GPC6: variants seen among roughly 807,000 people sequenced by gnomAD.
GPC6 encodes glypican 6.
A neutral mutation model predicts 55.2 loss-of-function variants in GPC6; 14 were observed. That is an observed-to-expected ratio of 0.25 (90% CI 0.17 to 0.40). The LOEUF is 0.40. Ranked by LOEUF, GPC6 falls within the 10% of genes least tolerant of loss-of-function variation. The pLI, the probability that GPC6 is intolerant of heterozygous loss-of-function variation, is 1.00. For synonymous variants in GPC6, 278 were observed against 259.6 expected (o/e 1.07, Z -0.68); for missense variants, 641 against 708.5 (o/e 0.90, Z 1.08).
intron 2 of GPC6, among the ~76,000 whole-genome samples, chr13:93,796,329 A>G (rs569845648): frequency 2.0e-5 from 3 of 152,292 alleles, no homozygotes; most frequent in East Asian, 3.9e-4. Flanking sequence ...TTAAAAAGCA[A>G]TTTCTTCTTT....
chr13:94,374,310 C>T (rs201743629), intron 6 of GPC6, among the ~76,000 whole-genome samples: 32,286 of 150,802 alleles, frequency 0.21, 3,541 homozygotes, highest in South Asian at 0.33. Flanking sequence ...GTGCTGTATT[C>T]AGGAAACCCA....
intron 2 of GPC6, among the ~76,000 whole-genome samples, chr13:93,566,230 C>G (rs1430756741): frequency 6.6e-6 from 1 of 152,186 alleles, no homozygotes; most frequent in Non-Finnish European, 1.5e-5. Flanking sequence ...CAGTTACTAC[C>G]TAAATGTTAT....
intron 4 of GPC6, among the ~76,000 whole-genome samples, chr13:94,285,543 G>T (rs150368157): frequency 7.9e-5 from 12 of 152,272 alleles, no homozygotes; most frequent in African/African-American, 2.4e-4. Flanking sequence ...GCTAAGAGAT[G>T]ATTTCAACCC....
At chr13:93,726,039 C>T (rs9524177) in intron 2 of GPC6, among the ~76,000 whole-genome samples, 2 of 148,762 alleles carry the variant, frequency 1.3e-5, no homozygotes, top group African/African-American at 5.0e-5. Flanking sequence ...ATATCCATAG[C>T]TATCATTCAC....
chr13:93,579,413 AAATAT>A (rs1327894448), intron 2 of GPC6, among the ~76,000 whole-genome samples: 28 of 152,084 alleles, frequency 1.8e-4, no homozygotes, highest in South Asian at 1.0e-3. Flanking sequence ...AATAGCTCAG[AAATAT>A]AATATAGGAA....
At chr13:93,404,350 G>A (rs1260228228) in intron 1 of GPC6, among the ~76,000 whole-genome samples, 1 of 152,066 alleles carries the variant, frequency 6.6e-6, no homozygotes, top group African/African-American at 2.4e-5. Context: ...GTGGAGTGTG[G>A]ACCAGGTTAC....
intron 3 of GPC6, among the ~76,000 whole-genome samples, chr13:93,854,326 A>G (rs1207083746): frequency 2.0e-5 from 3 of 151,712 alleles, no homozygotes; most frequent in African/African-American, 7.3e-5. Flanking sequence ...CCTTATATTG[A>G]AAAACTATTT....
At chr13:93,258,809 G>A (rs1474614119) in intron 1 of GPC6, among the ~76,000 whole-genome samples, 1 of 152,036 alleles carries the variant, frequency 6.6e-6, no homozygotes. Context: ...AATTAGCCTG[G>A]TGTGATGCCA....
At chr13:93,944,879 A>G (rs1878927212) in intron 3 of GPC6, among the ~76,000 whole-genome samples, 1 of 152,012 alleles carries the variant, frequency 6.6e-6, no homozygotes, top group South Asian at 2.1e-4. Flanking sequence ...ATCGATGGGG[A>G]CACTTAAATG....
At chr13:93,261,110 T>C (rs968979330) in intron 1 of GPC6, among the ~76,000 whole-genome samples, 6 of 152,178 alleles carry the variant, frequency 3.9e-5, no homozygotes, top group African/African-American at 1.4e-4. Flanking sequence ...ACCATGTCTT[T>C]GCTTTCCTTT....
intron 1 of GPC6, among the ~76,000 whole-genome samples, chr13:93,338,450 T>G (rs549627494): frequency 3.3e-5 from 5 of 152,266 alleles, no homozygotes; most frequent in African/African-American, 1.2e-4. Context: ...TACAGGTATC[T>G]CTGACCCATT....
intron 3 of GPC6, among the ~76,000 whole-genome samples, chr13:94,006,565 G>C (rs1194892140): frequency 6.6e-6 from 1 of 152,144 alleles, no homozygotes; most frequent in Non-Finnish European, 1.5e-5. Flanking sequence ...CATTAATAAA[G>C]TAAAAACCAG....
chr13:94,025,970 G>A (rs903608358), intron 3 of GPC6, among the ~76,000 whole-genome samples: 2 of 152,190 alleles, frequency 1.3e-5, no homozygotes, highest in African/African-American at 4.8e-5. Flanking sequence ...AAATGAGGTA[G>A]GTTAATGAGG....
At position 93,799,685 on chromosome 13, in the gene GPC6, A is replaced by G. The variant is rs146255145; in HGVS notation, c.320-30469A>G. 1.6e-3 allele frequency among the ~76,000 whole-genome samples: 247 copies of G among 152,308 alleles called. 1 individual carries two copies. The highest frequency in any genetic ancestry group is 5.8e-3 in the African/African-American group (240 of 41,564). ...GTCTCTGGTTCCTTTTCAGTAAAAG[A>G]TGGTATAAATGCCTATGATTAAGTG... On this transcript the variant is annotated intron_variant, in intron 2 of 8. Transcript: ENST00000377047.
intron 6 of GPC6, among the ~76,000 whole-genome samples, chr13:94,365,143 C>A (rs1291804356): frequency 6.6e-6 from 1 of 152,168 alleles, no homozygotes; most frequent in African/African-American, 2.4e-5. Context: ...GATGAATAGG[C>A]AAATCTTTAT....
Position 94,337,449 on chromosome 13 carries a change from T to C in GPC6, c.1152+31326T>C, listed in dbSNP as rs573344477. Among the ~76,000 whole-genome samples, 14 of 150,344 alleles carry C rather than the reference T, an allele frequency of 9.3e-5. No homozygotes were observed. In the South Asian group the frequency reaches 2.5e-3, roughly 27 times the overall value. On this transcript the variant is annotated intron_variant, in intron 6 of 8. Coordinates refer to ENST00000377047, the MANE Select transcript of GPC6 (RefSeq NM_005708.5). ...AATTCATGATATACATTTTTTTTCT[T>C]TTTTTTTTCCTTTTTTGAGGTGGAG...
rs191308865 is a variant in GPC6, at chr13:94,110,321, A to G, written c.877+82427A>G. ...CATGACTTCCAGGAGAGGCATGTAGAATTATGGAGTACTCAGTAGAGAACA... is the reference window on the plus strand; with the variant it reads ...CATGACTTCCAGGAGAGGCATGTAGGATTATGGAGTACTCAGTAGAGAACA... On this transcript the variant is annotated intron_variant, in intron 4 of 8. Coordinates refer to ENST00000377047, the MANE Select transcript of GPC6 (RefSeq NM_005708.5). Among the ~76,000 whole-genome samples the G allele has an allele frequency of 2.4e-3, 366 of 152,162 alleles. 2 individuals are homozygous for G. Among genetic ancestry groups the G allele is most frequent in the East Asian group, 8.5e-3 (44 of 5,168 alleles).
At chr13:93,907,416 A>G (rs1876728465) in intron 3 of GPC6, among the ~76,000 whole-genome samples, 1 of 152,162 alleles carries the variant, frequency 6.6e-6, no homozygotes, top group Non-Finnish European at 1.5e-5. Flanking sequence ...CATTAAAGAC[A>G]CTTGACCTGT....
chr13:94,386,134 C>G (rs969245419), intron 7 of GPC6, among the ~76,000 whole-genome samples: 1 of 150,468 alleles, frequency 6.6e-6, no homozygotes, highest in Admixed American at 6.6e-5. Flanking sequence ...CCAAGGCGGG[C>G]GGATGATGAG....
Sources: allele counts gnomAD v4.1 joint callset (sites outside exome capture counted in the v4.1 genomes callset), GRCh38; gene constraint gnomAD v4.1.1; transcripts MANE v1.5; gene names NCBI Gene and HGNC (gene_info 2026-07-23, HGNC 2026-07-21).